The following GRIA4 variants were observed in gnomAD, a reference collection of about 807,000 sequenced individuals.
GRIA4 encodes glutamate ionotropic receptor AMPA type subunit 4.
In GRIA4, 34 loss-of-function variants were observed where a neutral mutation model predicts 104.0. That is an observed-to-expected ratio of 0.33 (90% CI 0.25 to 0.44). The LOEUF (loss-of-function observed/expected upper bound fraction) is 0.44, where lower values mean the gene tolerates loss of function less well. Ranked by LOEUF, GRIA4 falls within the 20% of genes least tolerant of loss-of-function variation. GRIA4 has a pLI of 1.00. For missense variants in GRIA4, 750 were observed against 1,096.5 expected (o/e 0.68, Z 4.46); for synonymous variants, 386 against 381.9 (o/e 1.01, Z -0.13).
intron 3 of GRIA4, among the ~76,000 whole-genome samples, chr11:105,653,917 G>A (rs1951754295): frequency 6.8e-6 from 1 of 147,322 alleles, no homozygotes; most frequent in Non-Finnish European, 1.5e-5. Flanking sequence ...TAGTTTGTGG[G>A]GGAAAATGAC....
intron 4 of GRIA4, among the ~76,000 whole-genome samples, chr11:105,855,088 G>A (rs1944962438): frequency 1.3e-5 from 2 of 152,078 alleles, no homozygotes; most frequent in South Asian, 4.1e-4. Flanking sequence ...CATTCTCCAA[G>A]CTCCTGCCTC....
At chr11:105,623,069 A>G (rs1591454051) in intron 3 of GRIA4, among the ~76,000 whole-genome samples, 2 of 43,708 alleles carry the variant, frequency 4.6e-5, no homozygotes, top group African/African-American at 8.4e-5. Context: ...ATATATATAT[A>G]TATATATATA....
intron 3 of GRIA4, among the ~76,000 whole-genome samples, chr11:105,702,538 T>C (rs1953534909): frequency 6.6e-6 from 1 of 151,652 alleles, no homozygotes; most frequent in Non-Finnish European, 1.5e-5. Context: ...TGAAAAGACA[T>C]TTATATAATA....
intron 3 of GRIA4, among the ~76,000 whole-genome samples, chr11:105,714,225 T>C (rs1954011889): frequency 6.7e-6 from 1 of 148,810 alleles, no homozygotes; most frequent in Non-Finnish European, 1.5e-5. Flanking sequence ...TTATAAAAAT[T>C]AACCAGAAAT....
chr11:105,831,111 G>C (rs1023667340), intron 4 of GRIA4, among the ~76,000 whole-genome samples: 2 of 151,888 alleles, frequency 1.3e-5, no homozygotes, highest in African/African-American at 4.8e-5. Flanking sequence ...ATGATGGCTG[G>C]GTCTATACTC....
intron 4 of GRIA4, among the ~76,000 whole-genome samples, chr11:105,789,390 T>C (rs764798975): frequency 1.3e-5 from 2 of 152,178 alleles, no homozygotes; most frequent in Non-Finnish European, 2.9e-5. Flanking sequence ...CAAGCCCCCA[T>C]TGATTTTTAT....
At chr11:105,942,746 A>G (rs993795579) in intron 14 of GRIA4, among the ~76,000 whole-genome samples, 1 of 152,120 alleles carries the variant, frequency 6.6e-6, no homozygotes, top group African/African-American at 2.4e-5. Context: ...CATATTGAAA[A>G]TATCCACATA....
chr11:105,897,372 C>T (rs570544056), intron 6 of GRIA4, among the ~76,000 whole-genome samples: 1 of 152,198 alleles, frequency 6.6e-6, no homozygotes, highest in East Asian at 1.9e-4. Context: ...GATAATTTGA[C>T]TTCCTCTTTT....
intron 3 of GRIA4, among the ~76,000 whole-genome samples, chr11:105,644,082 A>G (rs1341364833): frequency 6.6e-6 from 1 of 152,232 alleles, no homozygotes; most frequent in Non-Finnish European, 1.5e-5. Flanking sequence ...AGTATGAGAA[A>G]AAACCAGCAT....
intron 3 of GRIA4, among the ~76,000 whole-genome samples, chr11:105,623,391 G>A (rs1295116681): frequency 6.6e-6 from 1 of 151,790 alleles, no homozygotes; most frequent in African/African-American, 2.4e-5. Flanking sequence ...TTGAGCCGGG[G>A]GTACCCTTCT....
chr11:105,734,921 T>A (rs188897126), intron 3 of GRIA4, among the ~76,000 whole-genome samples: 14 of 152,292 alleles, frequency 9.2e-5, no homozygotes, highest in African/African-American at 3.1e-4. Flanking sequence ...CCCCAGCACC[T>A]GGCAGTGTCT....
chr11:105,936,212 G>A (rs751708446), intron 14 of GRIA4, among the ~76,000 whole-genome samples: 4 of 152,186 alleles, frequency 2.6e-5, no homozygotes, highest in Non-Finnish European at 4.4e-5. Flanking sequence ...TGCTTCAAAT[G>A]AGGCAAACTA....
At chr11:105,666,595 A>G (rs935121441) in intron 3 of GRIA4, among the ~76,000 whole-genome samples, 1 of 151,988 alleles carries the variant, frequency 6.6e-6, no homozygotes, top group East Asian at 1.9e-4. Context: ...TTGCTTTAAT[A>G]TAATTGAATA....
rs1003793168 is a variant in GRIA4 at position 105,981,792 on chromosome 11, G to T, written c.*2053G>T. 1 of 152,636 alleles carries T rather than the reference G, an allele frequency of 6.6e-6. No homozygotes were observed. The highest frequency in any genetic ancestry group is 1.5e-5 in the Non-Finnish European group (1 of 68,102). 9.5% of individuals were successfully genotyped at this position (152,636 alleles called of 1,614,324 possible). ...TCCTCCCTGTCTCCTCTTTACCTGA[G>T]TAACTTGTACTCATCCTTCAATACT... On this transcript the variant is annotated 3_prime_UTR_variant, in exon 17 of 17. Coordinates refer to ENST00000282499, the MANE Select transcript of GRIA4 (RefSeq NM_000829.4).
At chr11:105,795,308 A>C (rs970556956) in intron 4 of GRIA4, among the ~76,000 whole-genome samples, 3 of 152,164 alleles carry the variant, frequency 2.0e-5, no homozygotes, top group African/African-American at 7.2e-5. Flanking sequence ...TGACGTGACA[A>C]GTGAACTGAT....
At chr11:105,954,553 T>C (rs1348565517) in intron 14 of GRIA4, among the ~76,000 whole-genome samples, 2 of 152,172 alleles carry the variant, frequency 1.3e-5, no homozygotes, top group Non-Finnish European at 2.9e-5. Flanking sequence ...ACATTATGTA[T>C]ATGTATACTT....
intron 3 of GRIA4, among the ~76,000 whole-genome samples, chr11:105,618,912 A>C (rs970960857): frequency 2.0e-5 from 3 of 151,954 alleles, no homozygotes; most frequent in African/African-American, 7.2e-5. Context: ...AAAATGAGGC[A>C]AGAGTAATTT....
chr11:105,930,660 C>A (rs187684414), intron 13 of GRIA4, among the ~76,000 whole-genome samples: 1 of 152,168 alleles, frequency 6.6e-6, no homozygotes, highest in Non-Finnish European at 1.5e-5. Context: ...TCTATAAATA[C>A]CAAACCCTAA....
At chr11:105,871,153 G>A (rs1051211139) in intron 5 of GRIA4, among the ~76,000 whole-genome samples, 2 of 152,140 alleles carry the variant, frequency 1.3e-5, no homozygotes, top group South Asian at 2.1e-4. Flanking sequence ...AATATATAAT[G>A]CCATATAGTG....
Sources: gnomAD v4.1 joint callset for allele counts (sites outside exome capture counted in the v4.1 genomes callset) on GRCh38, gnomAD v4.1.1 for gene constraint, MANE v1.5 for transcripts, NCBI Gene and HGNC (gene_info 2026-07-23, HGNC 2026-07-21) for gene names.